The following ALDH8A1 variants were observed in gnomAD, a reference collection of about 807,000 sequenced individuals.
ALDH8A1 encodes 2-aminomuconic semialdehyde dehydrogenase.
Under a neutral mutation model 43.3 loss-of-function variants are expected in ALDH8A1, and 39 were observed. The observed-to-expected ratio is 0.90, with a 90% confidence interval of 0.70 to 1.18. The LOEUF (loss-of-function observed/expected upper bound fraction) is 1.18. Ranked by LOEUF, ALDH8A1 falls within the 50% of genes most tolerant of loss-of-function variation. The probability of loss-of-function intolerance (pLI) is 0.00; values close to 1 mark genes in which losing one functional copy is unlikely to be tolerated. For missense variants in ALDH8A1, 605 were observed against 622.6 expected, an observed-to-expected ratio of 0.97 and a Z score of 0.30; for synonymous variants, 233 against 243.5, an observed-to-expected ratio of 0.96 and a Z score of 0.40.
chr6:134,944,582 G>C lies in ALDH8A1; in HGVS notation c.139-616C>G, dbSNP rs114868580. On this transcript the variant is annotated intron_variant, in intron 1 of 6. Transcript: ENST00000265605. ...ACATTTTCAATCACTTCAGAAACTA[G>C]AATTTTTAAAAATATTGTGGGCCAG... Among the ~76,000 whole-genome samples, 588 of 152,220 alleles carry C rather than the reference G, an allele frequency of 3.9e-3. 3 individuals are homozygous for C. Among genetic ancestry groups the C allele is most frequent in the African/African-American group, 0.013 (528 of 41,546 alleles).
intron 4 of ALDH8A1, among the ~76,000 whole-genome samples, chr6:134,935,078 C>T (rs1773706133): frequency 6.6e-6 from 1 of 152,220 alleles, no homozygotes; most frequent in South Asian, 2.1e-4. Flanking sequence ...AGTACTTGTT[C>T]TCCGCTTTGG....
At chr6:134,930,513 C>T (rs539659683) in intron 5 of ALDH8A1, among the ~76,000 whole-genome samples, 2 of 152,314 alleles carry the variant, frequency 1.3e-5, no homozygotes, top group South Asian at 2.1e-4. Context: ...TTGTGTCTGA[C>T]TTCACAACAA....
intron 4 of ALDH8A1, among the ~76,000 whole-genome samples, chr6:134,937,688 C>T (rs1165426499): frequency 2.0e-5 from 3 of 152,186 alleles, no homozygotes; most frequent in African/African-American, 7.2e-5. Context: ...AGGGCAAGCC[C>T]CAGGCCTAGT....
chr6:134,928,948 G>T, intron 6 of ALDH8A1, 106 bp downstream of exon 6: 1 of 1,265,098 alleles, frequency 7.9e-7, no homozygotes, highest in East Asian at 2.4e-5. Flanking sequence ...TTCAAAAATG[G>T]GGTAGTAACT....
intron 4 of ALDH8A1, among the ~76,000 whole-genome samples, chr6:134,933,249 T>G (rs1773655753): frequency 6.6e-6 from 1 of 152,124 alleles, no homozygotes; most frequent in Non-Finnish European, 1.5e-5. Flanking sequence ...AAACACCAGG[T>G]GGGATTCCAC....
At chr6:134,937,976 C>T (rs540392269) in intron 4 of ALDH8A1, among the ~76,000 whole-genome samples, 1 of 152,264 alleles carries the variant, frequency 6.6e-6, no homozygotes, top group Admixed American at 6.5e-5. Flanking sequence ...GTTCCCTAAA[C>T]AGCCTCAGTT....
At chr6:134,936,685 C>A (rs188400705) in intron 4 of ALDH8A1, among the ~76,000 whole-genome samples, 100 of 152,318 alleles carry the variant, frequency 6.6e-4, no homozygotes, top group African/African-American at 2.2e-3. Flanking sequence ...ACTGCGGCAG[C>A]GGATTGCTTT....
chr6:134,933,164 C>T, intron 4 of ALDH8A1, 132 bp from the exon 5 acceptor site: 1 of 1,058,656 alleles, frequency 9.4e-7, no homozygotes, highest in East Asian at 2.8e-5. Context: ...TTGGGTTTTA[C>T]AACACTTGGA....
chr6:134,945,646 T>C (rs1390288607), intron 1 of ALDH8A1, among the ~76,000 whole-genome samples: 1 of 152,062 alleles, frequency 6.6e-6, no homozygotes, highest in Non-Finnish European at 1.5e-5. Flanking sequence ...ATCACAGCTG[T>C]CTTCCACCAC....
intron 6 of ALDH8A1, among the ~76,000 whole-genome samples, chr6:134,921,076 T>C (rs1246491606): frequency 6.6e-6 from 1 of 152,200 alleles, no homozygotes; most frequent in East Asian, 1.9e-4. Context: ...ATAAGCCTTT[T>C]TGACTGTCAG....
chr6:134,935,781 T>C (rs1458036020), intron 4 of ALDH8A1, among the ~76,000 whole-genome samples: 1 of 152,152 alleles, frequency 6.6e-6, no homozygotes, highest in Non-Finnish European at 1.5e-5. Context: ...ATAAATAATA[T>C]AAATACTAAT....
At chr6:134,935,620 G>A (rs1325926331) in intron 4 of ALDH8A1, among the ~76,000 whole-genome samples, 1 of 152,118 alleles carries the variant, frequency 6.6e-6, no homozygotes. Context: ...CTGACCTACG[G>A]TAGGTGCAGA....
chr6:134,936,405 G>C (rs2235261), intron 4 of ALDH8A1, among the ~76,000 whole-genome samples: 10,789 of 152,286 alleles, frequency 0.071, 740 homozygotes, highest in East Asian at 0.26. Context: ...GGAAAGTGTG[G>C]AAGGAGAGGA....
rs1476433293 is a variant in ALDH8A1 at position 134,917,561 on chromosome 6, GT to G, written c.*853del. The G allele has an allele frequency of 6.6e-6, 1 of 152,080 alleles. No individual in the cohort carries two copies. Among genetic ancestry groups the G allele is most frequent in the Non-Finnish European group, 1.5e-5 (1 of 67,994 alleles). 9.4% of individuals were successfully genotyped at this position (152,080 alleles called of 1,614,324 possible). A position where few individuals can be genotyped will look rare whatever the true frequency, so the allele number is the denominator to read the frequency against. ...TTCCTCCAAAAGTAGTAGTTATTTT[GT>G]TTTTCTTCATCCTTGTACAGATACA... On this transcript the variant is annotated 3_prime_UTR_variant, in exon 7 of 7. Coordinates refer to ENST00000265605, the MANE Select transcript of ALDH8A1 (RefSeq NM_022568.4).
chr6:134,930,327 G>A (rs952547223), intron 5 of ALDH8A1, among the ~76,000 whole-genome samples: 1 of 152,188 alleles, frequency 6.6e-6, no homozygotes, highest in African/African-American at 2.4e-5. Context: ...ATCAAATAGA[G>A]ATACTGAGTG....
chr6:134,947,628 A>G (rs1213327775), intron 1 of ALDH8A1, among the ~76,000 whole-genome samples: 4 of 152,190 alleles, frequency 2.6e-5, no homozygotes, highest in African/African-American at 9.6e-5. Context: ...ACAAATGGCC[A>G]ACAGGTATAT....
At chr6:134,939,461 T>G (rs1295837941) in intron 3 of ALDH8A1, 46 bp from the exon 4 acceptor site, 1 of 1,589,868 alleles carries the variant, frequency 6.3e-7, no homozygotes, top group Non-Finnish European at 8.6e-7. Flanking sequence ...CATACCCCTC[T>G]GAGGTGGACT....
At chr6:134,940,433 T>C (rs532785424) in intron 3 of ALDH8A1, among the ~76,000 whole-genome samples, 32 of 152,334 alleles carry the variant, frequency 2.1e-4, no homozygotes, top group African/African-American at 2.9e-4. Flanking sequence ...AATCTCAAGC[T>C]TTATATAATT....
At position 134,939,116 on chromosome 6, in the gene ALDH8A1, C is replaced by T. The variant is rs144068511; in HGVS notation, c.592+150G>A. The T allele has an allele frequency of 1.4e-4, 174 of 1,248,208 alleles. 1 individual carries two copies. The African/African-American group carries it at 2.1e-3, about 15-fold the overall frequency. The allele number at this position is 1,248,208 out of a possible 1,614,324, so 77.3% of individuals were successfully genotyped here. A position where few individuals can be genotyped will look rare whatever the true frequency, so the allele number is the denominator to read the frequency against. ...AGACAGGAAGCAGGGTGAGGGAACCCTGTGGGTGGAGGGGATTTCCCAGAC... is the reference window on the plus strand; with the variant it reads ...AGACAGGAAGCAGGGTGAGGGAACCTTGTGGGTGGAGGGGATTTCCCAGAC... On this transcript the variant is annotated intron_variant, in intron 4 of 6. Transcript: ENST00000265605.
Sources: allele counts gnomAD v4.1 joint callset (sites outside exome capture counted in the v4.1 genomes callset), GRCh38; gene constraint gnomAD v4.1.1; transcripts MANE v1.5; gene names NCBI Gene and HGNC (gene_info 2026-07-23, HGNC 2026-07-21).